CTPS2: variants seen among roughly 807,000 people sequenced by gnomAD.
CTPS2 encodes CTP synthase 2.
Under a neutral mutation model 46.8 loss-of-function variants are expected in CTPS2, and 19 were observed. The ratio of observed to expected loss-of-function variants is 0.41; its 90% CI spans 0.28 to 0.60. The LOEUF is 0.60. Ranked by LOEUF, CTPS2 falls within the 20% of genes least tolerant of loss-of-function variation. CTPS2 has a pLI of 0.35. For missense variants in CTPS2, 286 were observed against 447.6 expected (o/e 0.64, Z 3.26); for synonymous variants, 151 against 165.2 (o/e 0.91, Z 0.66).
intron 10 of CTPS2, among the ~76,000 whole-genome samples, chrX:16,676,790 G>C (rs1228005058): frequency 9.0e-6 from 1 of 111,603 alleles, no homozygotes; most frequent in East Asian, 2.8e-4. Flanking sequence ...GGCTGGGCGT[G>C]GTGGCTCACA....
At chrX:16,590,406 C>T (rs1203798219) in intron 18 of CTPS2, among the ~76,000 whole-genome samples, 1 of 111,609 alleles carries the variant, frequency 9.0e-6, no homozygotes, top group Non-Finnish European at 1.9e-5. Context: ...GAGTAGTTGC[C>T]GCAGGAACTG....
At chrX:16,696,232 C>T (rs775203887) in intron 4 of CTPS2, among the ~76,000 whole-genome samples, 1 of 112,118 alleles carries the variant, frequency 8.9e-6, no homozygotes, top group Non-Finnish European at 1.9e-5. Flanking sequence ...TCAGCTTTGG[C>T]AGTCCTTCTT....
intron 14 of CTPS2, among the ~76,000 whole-genome samples, chrX:16,635,975 T>C (rs927023274): frequency 3.6e-5 from 4 of 112,250 alleles, no homozygotes; most frequent in Non-Finnish European, 5.6e-5. Context: ...ACAACCCAAA[T>C]GTCCACCAGC....
chrX:16,691,045 G>A (rs1462522466), intron 7 of CTPS2, among the ~76,000 whole-genome samples: 1 of 112,404 alleles, frequency 8.9e-6, no homozygotes, highest in Non-Finnish European at 1.9e-5. Flanking sequence ...TACTGGGCAC[G>A]ATGGCTCACG....
At chrX:16,674,593 C>G (rs1404055738) in intron 10 of CTPS2, among the ~76,000 whole-genome samples, 3 of 109,891 alleles carry the variant, frequency 2.7e-5, no homozygotes, top group South Asian at 3.9e-4. Context: ...AATCCCAGCA[C>G]TTTGGGAGGC....
chrX:16,641,663 G>C (rs1212852753), intron 13 of CTPS2, among the ~76,000 whole-genome samples: 2 of 112,352 alleles, frequency 1.8e-5, no homozygotes, highest in Non-Finnish European at 3.8e-5. Context: ...TAGAGCCTAG[G>C]AGGCGGAGGT....
chrX:16,623,971 C>T (rs1008073960), intron 14 of CTPS2, among the ~76,000 whole-genome samples: 12 of 108,321 alleles, frequency 1.1e-4, no homozygotes, highest in Non-Finnish European at 2.1e-4. Context: ...CCATGCCTGG[C>T]TAATTTTTTG....
chrX:16,610,325 G>A (rs1014702467), intron 16 of CTPS2, among the ~76,000 whole-genome samples: 3 of 110,474 alleles, frequency 2.7e-5, no homozygotes, highest in African/African-American at 9.9e-5. Flanking sequence ...GTTTAAGAGG[G>A]GGAAGTAAAT....
intron 2 of CTPS2, among the ~76,000 whole-genome samples, chrX:16,701,643 C>T (rs1439882609): frequency 9.2e-6 from 1 of 108,428 alleles, no homozygotes; most frequent in Non-Finnish European, 1.9e-5. Context: ...ACTCTGTCAC[C>T]CAGGCTGGAG....
intron 17 of CTPS2, among the ~76,000 whole-genome samples, chrX:16,599,832 G>A: frequency 9.4e-6 from 1 of 106,829 alleles, no homozygotes; most frequent in Non-Finnish European, 1.9e-5. Flanking sequence ...CCAGGCTAGA[G>A]CACAGTGGTG....
intron 13 of CTPS2, among the ~76,000 whole-genome samples, chrX:16,656,666 G>A (rs1264857770): frequency 1.8e-5 from 2 of 111,421 alleles, no homozygotes; most frequent in Non-Finnish European, 3.8e-5. Context: ...CGCTCGTCTC[G>A]GCCTCCCAAA....
intron 13 of CTPS2, among the ~76,000 whole-genome samples, chrX:16,641,720 A>G (rs996136992): frequency 8.9e-6 from 1 of 112,512 alleles, no homozygotes; most frequent in Non-Finnish European, 1.9e-5. Context: ...TGGATGACAG[A>G]GCAAGACCTT....
chrX:16,611,474 A>C (rs1447288958), intron 16 of CTPS2, among the ~76,000 whole-genome samples: 4 of 108,065 alleles, frequency 3.7e-5, no homozygotes, highest in African/African-American at 6.8e-5. Context: ...AACAAACAAA[A>C]AAAACTGCGC....
chrX:16,677,237 T>C (rs1159823351), intron 10 of CTPS2, among the ~76,000 whole-genome samples: 10 of 111,576 alleles, frequency 9.0e-5, no homozygotes, highest in Non-Finnish European at 1.9e-4. Context: ...TGCTTTACTG[T>C]TGTGGAATAT....
rs1484614895 is a variant in CTPS2 at position 16,590,855 on chromosome X, A to G, written c.1699T>C (p.Tyr567His). The G allele has an allele frequency of 1.7e-6, 2 of 1,183,570 alleles. No individual in the cohort carries two copies. The highest frequency in any genetic ancestry group is 3.0e-5 in the East Asian group (1 of 33,623). ...QGCKLSSSDR[Y>H]SDASDDSFSE... is the part of the protein sequence containing the mutation. ...AAGCTGTCATCACTGGCATCACTGTATCTATCACTAGATTAAAAGAGGAAC... is the reference window on the plus strand; with the variant it reads ...AAGCTGTCATCACTGGCATCACTGTGTCTATCACTAGATTAAAAGAGGAAC... The change falls in exon 18 of 19, where the codon TAC becomes CAC. Residue 567 changes from tyrosine (Y) to histidine (H), a missense_variant. By Grantham distance (83) the Tyr-to-His change is moderately conservative (BLOSUM62 2). Coordinates refer to ENST00000359276, the MANE Select transcript of CTPS2 (RefSeq NM_175859.3).
At chrX:16,682,955 G>C (rs954165973) in intron 9 of CTPS2, 139 bp downstream of exon 9, 11 of 626,602 alleles carry the variant, frequency 1.8e-5, no homozygotes, top group Non-Finnish European at 2.5e-5. Context: ...ATAACTATAT[G>C]ATGAGTCCTG....
chrX:16,601,735 T>A (rs974334715), intron 17 of CTPS2, among the ~76,000 whole-genome samples: 10 of 110,589 alleles, frequency 9.0e-5, no homozygotes, highest in African/African-American at 2.3e-4. Flanking sequence ...AATAATAGCA[T>A]CATCATAATA....
At chrX:16,639,113 A>G in intron 14 of CTPS2, 34 bp downstream of exon 14, 1 of 1,108,251 alleles carries the variant, frequency 9.0e-7, no homozygotes, top group East Asian at 3.0e-5. Flanking sequence ...GCCACATCCA[A>G]CATCTTGTAA....
intron 14 of CTPS2, among the ~76,000 whole-genome samples, chrX:16,636,256 G>A (rs772789361): frequency 1.8e-5 from 2 of 111,434 alleles, no homozygotes; most frequent in South Asian, 3.8e-4. Context: ...TCAGCCAGGC[G>A]TGGTAGTGGG....
Sources: allele counts gnomAD v4.1 joint callset (sites outside exome capture counted in the v4.1 genomes callset), GRCh38; gene constraint gnomAD v4.1.1; transcripts MANE v1.5; gene names NCBI Gene and HGNC (gene_info 2026-07-23, HGNC 2026-07-21).